PARD3B: variants seen among roughly 807,000 people sequenced by gnomAD.
PARD3B encodes partitioning defective 3 homolog B.
A neutral mutation model predicts 130.2 loss-of-function variants in PARD3B; 103 were observed. The ratio of observed to expected loss-of-function variants is 0.79; its 90% CI spans 0.67 to 0.93. The LOEUF is 0.93. Among genes scored for constraint, PARD3B ranks in the 40% least tolerant of loss-of-function variants. The probability of loss-of-function intolerance (pLI) is 0.00; values close to 1 mark genes in which losing one functional copy is unlikely to be tolerated. For missense variants in PARD3B, 1,609 were observed against 1,499.2 expected (o/e 1.07, Z -1.21); for synonymous variants, 583 against 553.2 (o/e 1.05, Z -0.76).
At chr2:204,552,135 G>T (rs1034740721) in intron 1 of PARD3B, among the ~76,000 whole-genome samples, 15 of 152,152 alleles carry the variant, frequency 9.9e-5, no homozygotes, top group African/African-American at 3.4e-4. Flanking sequence ...GCTGCTTTTG[G>T]AAACCACTGG....
chr2:204,846,031 A>C (rs1259583099), intron 2 of PARD3B, among the ~76,000 whole-genome samples: 68 of 152,112 alleles, frequency 4.5e-4, no homozygotes, highest in Non-Finnish European at 1.0e-4. Flanking sequence ...TGGTATCTTG[A>C]ATATGAAGAA....
intron 20 of PARD3B, among the ~76,000 whole-genome samples, chr2:205,450,018 G>A (rs2048043025): frequency 6.6e-6 from 1 of 152,136 alleles, no homozygotes; most frequent in South Asian, 2.1e-4. Context: ...CAGGGCCTTG[G>A]TTCAAATGTA....
intron 19 of PARD3B, among the ~76,000 whole-genome samples, chr2:205,432,081 A>G (rs2047358149): frequency 1.3e-5 from 2 of 152,172 alleles, no homozygotes; most frequent in South Asian, 4.1e-4. Context: ...TGTGTGTTGC[A>G]AACTTTTCTA....
rs184017236 is a variant in PARD3B, at chr2:204,999,637, C to A, written c.394+34314C>A. ...TCCCACTGATAATCATTGTCCTTTTCTCCTATACATTAAAGTGGTCTTCTT... is the reference window on the plus strand; with the variant it reads ...TCCCACTGATAATCATTGTCCTTTTATCCTATACATTAAAGTGGTCTTCTT... On this transcript the variant is annotated intron_variant, in intron 3 of 22. Transcript: ENST00000406610. 7.9e-5 allele frequency among the ~76,000 whole-genome samples: 12 copies of A among 152,294 alleles called. 1 individual carries two copies. Among genetic ancestry groups the A allele is most frequent in the African/African-American group, 2.6e-4 (11 of 41,566 alleles).
At chr2:204,626,087 T>C (rs1205861130) in intron 1 of PARD3B, among the ~76,000 whole-genome samples, 1 of 152,196 alleles carries the variant, frequency 6.6e-6, no homozygotes, top group Non-Finnish European at 1.5e-5. Context: ...TTTTTGACTT[T>C]AGTTTTATAG....
At chr2:205,511,851 A>T (rs2050600378) in intron 21 of PARD3B, among the ~76,000 whole-genome samples, 1 of 152,234 alleles carries the variant, frequency 6.6e-6, no homozygotes, top group Non-Finnish European at 1.5e-5. Context: ...ATGTCCCCTC[A>T]CACAGCTTCC....
rs770319889 is a variant in PARD3B at position 205,056,884 on chromosome 2, AAC to A, written c.504+9210_504+9211del. On this transcript the variant is annotated intron_variant, in intron 4 of 22. Transcript: ENST00000406610. ...TGTATTTTAATTTTTAAAGGACACA[AAC>A]ACACACACACACACATACACACACA... 3.9e-3 allele frequency among the ~76,000 whole-genome samples: 573 copies of A among 147,070 alleles called. 5 individuals are homozygous for A. Among genetic ancestry groups the A allele is most frequent in the African/African-American group, 0.012 (497 of 40,230 alleles).
rs907405405 is a variant in PARD3B at position 204,838,387 on chromosome 2, G to A, written c.223-126765G>A. Among the ~76,000 whole-genome samples, 5 of 146,750 alleles carry A rather than the reference G, an allele frequency of 3.4e-5. 1 individual carries two copies. Among genetic ancestry groups the A allele is most frequent in the African/African-American group, 1.1e-4 (4 of 37,894 alleles). The stretch of plus-strand genomic sequence containing the variant: ...TGTGTGTGTGTGTGTGTGTGTGTGT[G>A]TGTCTTTAGTAGAGACGGGGTTTTG... On this transcript the variant is annotated intron_variant, in intron 2 of 22. Coordinates refer to ENST00000406610, the MANE Select transcript of PARD3B (RefSeq NM_001302769.2).
chr2:204,563,917 G>T (rs2031506497), intron 1 of PARD3B, among the ~76,000 whole-genome samples: 1 of 152,116 alleles, frequency 6.6e-6, no homozygotes, highest in African/African-American at 2.4e-5. Flanking sequence ...GGGACTACAG[G>T]CACCCGCCAC....
intron 2 of PARD3B, among the ~76,000 whole-genome samples, chr2:204,722,351 G>A (rs1027990756): frequency 6.6e-6 from 1 of 152,092 alleles, no homozygotes; most frequent in African/African-American, 2.4e-5. Context: ...TGTATCTTGG[G>A]ACTAGTTTAT....
At chr2:205,066,417 A>G (rs1419109352) in intron 4 of PARD3B, among the ~76,000 whole-genome samples, 1 of 152,194 alleles carries the variant, frequency 6.6e-6, no homozygotes, top group Non-Finnish European at 1.5e-5. Flanking sequence ...TGAAGCAGAA[A>G]ACTCTAAACC....
In PARD3B at chr2:205,265,585, G is replaced by A. The variant is rs751424803; in HGVS notation, c.2185+19763G>A. On this transcript the variant is annotated intron_variant, in intron 16 of 22. Transcript: ENST00000406610. The surrounding 1 kb of genome is among the most constrained non-coding windows in gnomAD (Gnocchi z 4.3). ...TGATATACCGAGACTTCACCGAAGAGATGTTCAGTGTAATATAATTATTTT... is the reference window on the plus strand; with the variant it reads ...TGATATACCGAGACTTCACCGAAGAAATGTTCAGTGTAATATAATTATTTT... 6.6e-6 allele frequency among the ~76,000 whole-genome samples: 1 copy of A among 151,910 alleles called. No homozygotes were observed. Among genetic ancestry groups the A allele is most frequent in the Non-Finnish European group, 1.5e-5 (1 of 67,918 alleles).
rs1205851943 is a variant in PARD3B, at chr2:205,408,194, C to T, written c.2741+7071C>T. Among the ~76,000 whole-genome samples the T allele has an allele frequency of 2.6e-5, 4 of 152,174 alleles. No individual in the cohort carries two copies. The South Asian group carries it at 6.2e-4, about 24-fold the overall frequency. On this transcript the variant is annotated intron_variant, in intron 19 of 22. Coordinates refer to ENST00000406610, the MANE Select transcript of PARD3B (RefSeq NM_001302769.2). ...CTCCCTTGCCTTATCAGCTGAGCTG[C>T]TTGTGGCCTGTTCCCTTTAGTTTAA...
rs1315456306 is a variant in PARD3B at position 204,610,671 on chromosome 2, T to C, written c.120+64552T>C. Reference sequence around the variant, plus strand: ...CACCGTGCCTGCCCCTTGTCCTTCATAGAACCACTTTGATATGTTAGTCTA... The same window carrying C: ...CACCGTGCCTGCCCCTTGTCCTTCACAGAACCACTTTGATATGTTAGTCTA... On this transcript the variant is annotated intron_variant, in intron 1 of 22. Coordinates refer to ENST00000406610, the MANE Select transcript of PARD3B (RefSeq NM_001302769.2). This position sits in a 1 kb window ranked among gnomAD's most constrained non-coding sequence, Gnocchi z 4.1. 6.6e-6 allele frequency among the ~76,000 whole-genome samples: 1 copy of C among 152,168 alleles called. No individual in the cohort carries two copies. Among genetic ancestry groups the C allele is most frequent in the East Asian group, 1.9e-4 (1 of 5,176 alleles).
intron 2 of PARD3B, among the ~76,000 whole-genome samples, chr2:204,948,620 G>A (rs1294421559): frequency 6.6e-6 from 1 of 152,152 alleles, no homozygotes; most frequent in Non-Finnish European, 1.5e-5. Flanking sequence ...TATTGTTCCA[G>A]CAGACTCTTC....
At chr2:204,734,953 G>T (rs72932184) in intron 2 of PARD3B, among the ~76,000 whole-genome samples, 1,747 of 152,130 alleles carry the variant, frequency 0.011, 40 homozygotes, top group Non-Finnish European at 0.011. Context: ...GGGAAAAGAG[G>T]TAGGGGTGAT....
At chr2:205,554,537 TTTC>T (rs150424068) in intron 22 of PARD3B, among the ~76,000 whole-genome samples, 2,056 of 152,304 alleles carry the variant, frequency 0.013, 20 homozygotes, top group Non-Finnish European at 0.02. Flanking sequence ...ATCTTCCTGT[TTTC>T]TTTTCTTTAA....
intron 2 of PARD3B, among the ~76,000 whole-genome samples, chr2:204,764,620 C>T (rs2125414973): frequency 6.6e-6 from 1 of 152,092 alleles, no homozygotes; most frequent in South Asian, 2.1e-4. Flanking sequence ...AATAGATGCA[C>T]ACACCATGTA....
At chr2:204,585,791 A>T (rs1300079431) in intron 1 of PARD3B, among the ~76,000 whole-genome samples, 1 of 152,156 alleles carries the variant, frequency 6.6e-6, no homozygotes, top group Admixed American at 6.5e-5. Flanking sequence ...TTACATTTTT[A>T]CATTTTTTAT....
Sources: gnomAD v4.1 joint callset for allele counts (sites outside exome capture counted in the v4.1 genomes callset) on GRCh38, gnomAD v4.1.1 for gene constraint, Gnocchi (gnomAD v3.1) non-coding constraint, MANE v1.5 for transcripts, NCBI Gene and HGNC (gene_info 2026-07-23, HGNC 2026-07-21) for gene names.